Variants in C5 observed in about 807,000 individuals in gnomAD.
C5 encodes the protein complement C5.
In C5, 140 loss-of-function variants were observed where a neutral mutation model predicts 218.8. That is an observed-to-expected ratio of 0.64 (90% confidence interval 0.56 to 0.74). The LOEUF (loss-of-function observed/expected upper bound fraction) is 0.74, where lower values mean the gene tolerates loss of function less well. Ranked by LOEUF, C5 falls within the 30% of genes least tolerant of loss-of-function variation. The pLI is 0.00. For missense variants in C5, 1,700 were observed against 1,969.6 expected (o/e 0.86, Z 2.59); for synonymous variants, 614 against 682.3 (o/e 0.90, Z 1.56).
In C5 at chr9:121,046,388, T is replaced by C; in HGVS notation, c.66-5A>G. The C allele has an allele frequency of 6.2e-7, 1 of 1,603,300 alleles. No homozygotes were observed. Among genetic ancestry groups the C allele is most frequent in the Non-Finnish European group, 8.5e-7 (1 of 1,170,562 alleles). On this transcript the variant is annotated splice_polypyrimidine_tract_variant and splice_region_variant and intron_variant, in intron 1 of 40. Transcript: ENST00000223642. The stretch of plus-strand genomic sequence containing the variant: ...TTTGGTGCTGAAATGACATATCTGT[T>C]GAAAAAGGAAAAGATAAGGCTCAAT...
At chr9:120,975,117 T>A (rs1158673634) in intron 29 of C5, among the ~76,000 whole-genome samples, 186 bp from the exon 30 acceptor site, 3 of 152,202 alleles carry the variant, frequency 2.0e-5, no homozygotes, top group Non-Finnish European at 4.4e-5. Flanking sequence ...TCAATAAAGA[T>A]GCTGTTAGCA....
intron 29 of C5, among the ~76,000 whole-genome samples, chr9:120,975,877 T>A (rs1019482015): frequency 1.5e-4 from 23 of 152,192 alleles, no homozygotes; most frequent in Non-Finnish European, 1.5e-5. Flanking sequence ...AAGGAATAAA[T>A]GAATAAACTT....
At chr9:120,981,607 G>A (rs2046992923) in intron 27 of C5, among the ~76,000 whole-genome samples, 1 of 152,208 alleles carries the variant, frequency 6.6e-6, no homozygotes, top group Non-Finnish European at 1.5e-5. Flanking sequence ...CTGGGAAACT[G>A]AATTCACCTT....
At chr9:121,060,665 C>T in the C5 span, among the ~76,000 whole-genome samples, 2 of 151,982 alleles carry the variant, frequency 1.3e-5, no homozygotes, top group African/African-American at 4.8e-5. Context: ...TCTATCCCTC[C>T]CCACCCCACC....
intron 18 of C5, among the ~76,000 whole-genome samples, 199 bp downstream of exon 18, chr9:121,008,209 G>A (rs1228870262): frequency 6.6e-6 from 1 of 152,022 alleles, no homozygotes; most frequent in African/African-American, 2.4e-5. Flanking sequence ...TTCTGACCTG[G>A]AGCCAATCAC....
At chr9:120,990,499 G>A (rs1488636928) in intron 23 of C5, among the ~76,000 whole-genome samples, 1 of 152,174 alleles carries the variant, frequency 6.6e-6, no homozygotes, top group Non-Finnish European at 1.5e-5. Flanking sequence ...CTTTTTGAGA[G>A]GTGATTAGGT....
intron 31 of C5, among the ~76,000 whole-genome samples, chr9:120,971,062 C>T (rs1196980430): frequency 6.6e-6 from 1 of 151,350 alleles, no homozygotes; most frequent in East Asian, 2.0e-4. Flanking sequence ...ATCCCACCTA[C>T]TTGGGAGGCT....
chr9:121,035,712 G>A (rs2047518523), intron 4 of C5, among the ~76,000 whole-genome samples: 1 of 150,598 alleles, frequency 6.6e-6, no homozygotes, highest in Admixed American at 6.6e-5. Context: ...CAGGACCACA[G>A]GCACATGCCA....
intron 22 of C5, among the ~76,000 whole-genome samples, chr9:120,992,870 G>C (rs1388077145): frequency 2.0e-5 from 3 of 152,176 alleles, no homozygotes; most frequent in Non-Finnish European, 4.4e-5. Context: ...TGATGGATTT[G>C]ACTACATCAG....
chr9:120,975,422 T>C (rs1004835909), intron 29 of C5, among the ~76,000 whole-genome samples: 1 of 152,128 alleles, frequency 6.6e-6, no homozygotes, highest in Non-Finnish European at 1.5e-5. Flanking sequence ...GTGAGGCAAG[T>C]AGGTAATATA....
At chr9:121,055,055 A>C (rs2047691591), upstream of C5, among the ~76,000 whole-genome samples, 1 of 152,108 alleles carries the variant, frequency 6.6e-6, no homozygotes, top group Non-Finnish European at 1.5e-5. Context: ...TTGTCAACTG[A>C]AGAATCCTTA....
rs1471339916 is a variant in C5 at position 120,972,005 on chromosome 9, T to C, written c.4018-13A>G. 13 of 1,597,038 alleles carry C rather than the reference T, an allele frequency of 8.1e-6. No individual in the cohort carries two copies. The highest frequency in any genetic ancestry group is 4.5e-5 in the East Asian group (2 of 44,620). The stretch of plus-strand genomic sequence containing the variant: ...CATTGAGAAGCACCTGGAAAGATAA[T>C]AGAGAAACAAACCATGCTTTCTTTC... On this transcript the variant is annotated splice_polypyrimidine_tract_variant and intron_variant, in intron 30 of 40. Coordinates refer to ENST00000223642, the MANE Select transcript of C5 (RefSeq NM_001735.3).
chr9:120,987,787 T>C (rs1198128711), intron 25 of C5, among the ~76,000 whole-genome samples: 1 of 151,920 alleles, frequency 6.6e-6, no homozygotes, highest in Non-Finnish European at 1.5e-5. Context: ...GATGGTTTTT[T>C]TGTTTTGTTT....
chr9:121,071,926 C>G, the C5 span, among the ~76,000 whole-genome samples: 1 of 152,184 alleles, frequency 6.6e-6, no homozygotes, highest in Non-Finnish European at 1.5e-5. Context: ...GTAAATGCAA[C>G]TCAGAGTACA....
At chr9:121,034,215 T>C (rs1209941017) in intron 5 of C5, among the ~76,000 whole-genome samples, 2 of 152,208 alleles carry the variant, frequency 1.3e-5, no homozygotes, top group Non-Finnish European at 2.9e-5. Context: ...CCACCGCACC[T>C]GGCCTATTAC....
chr9:121,052,022 A>T (rs1266868054), upstream of C5, among the ~76,000 whole-genome samples: 3 of 152,222 alleles, frequency 2.0e-5, no homozygotes, highest in African/African-American at 7.2e-5. Flanking sequence ...TTTGCAAGCC[A>T]TTGTCCTGTT....
chr9:121,010,376 C>T (rs1009249442), intron 17 of C5, among the ~76,000 whole-genome samples: 1 of 152,074 alleles, frequency 6.6e-6, no homozygotes, highest in South Asian at 2.1e-4. Context: ...AAAAGTAATA[C>T]CATTTACAAT....
the C5 span, among the ~76,000 whole-genome samples, chr9:121,058,652 T>C: frequency 6.6e-6 from 1 of 151,964 alleles, no homozygotes; most frequent in African/African-American, 2.4e-5. Context: ...TTGGCCAGGC[T>C]GGCCTCCAAC....
At chr9:121,001,087 C>A (rs2047157560) in intron 20 of C5, among the ~76,000 whole-genome samples, 2 of 152,116 alleles carry the variant, frequency 1.3e-5, no homozygotes, top group Non-Finnish European at 2.9e-5. Flanking sequence ...TAAATACCAG[C>A]AACATTTATA....
Sources: allele counts gnomAD v4.1 joint callset (sites outside exome capture counted in the v4.1 genomes callset), GRCh38; gene constraint gnomAD v4.1.1; transcripts MANE v1.5; gene names NCBI Gene and HGNC (gene_info 2026-07-23, HGNC 2026-07-21).